Variants in KDM7A observed in about 807,000 individuals in gnomAD.
KDM7A encodes the protein lysine-specific demethylase 7A.
In KDM7A, 28 loss-of-function variants were observed where a neutral mutation model predicts 114.8. The ratio of observed to expected loss-of-function variants is 0.24; its 90% CI spans 0.18 to 0.33. KDM7A has a LOEUF of 0.33. Among genes scored for constraint, KDM7A ranks in the 10% least tolerant of loss-of-function variants. The pLI, the probability that KDM7A is intolerant of heterozygous loss-of-function variation, is 1.00. For synonymous variants in KDM7A, 423 were observed against 397.8 expected, an observed-to-expected ratio of 1.06 and a Z score of -0.75; for missense variants, 942 against 1,142.5, an observed-to-expected ratio of 0.82 and a Z score of 2.53.
At chr7:140,162,228 G>A (rs960524129) in intron 1 of KDM7A, among the ~76,000 whole-genome samples, 7 of 151,834 alleles carry the variant, frequency 4.6e-5, no homozygotes, top group East Asian at 1.9e-4. Context: ...CCAGCTACTC[G>A]GGAGGCTAAG....
chr7:140,139,925 T>A (rs1585157880), intron 1 of KDM7A, among the ~76,000 whole-genome samples: 1 of 152,294 alleles, frequency 6.6e-6, no homozygotes, highest in South Asian at 2.1e-4. Flanking sequence ...ATATTAGATA[T>A]GGGCAAACCT....
In KDM7A at chr7:140,089,454, T is replaced by C. The variant is rs1028429990; in HGVS notation, c.*1640A>G. ...TCTTAGCAATTCAAGTGATACTTAATAGAGAAGGGTAAGTCCTGCTATCTT... is the reference window on the plus strand; with the variant it reads ...TCTTAGCAATTCAAGTGATACTTAACAGAGAAGGGTAAGTCCTGCTATCTT... On this transcript the variant is annotated 3_prime_UTR_variant, in exon 20 of 20. Coordinates refer to ENST00000397560, the MANE Select transcript of KDM7A (RefSeq NM_030647.2). The C allele has an allele frequency of 1.1e-4, 17 of 152,146 alleles. 1 individual carries two copies. The highest frequency in any genetic ancestry group is 1.0e-3 in the Admixed American group (16 of 15,268). 9.4% of individuals were successfully genotyped at this position (152,146 alleles called of 1,614,324 possible). A position where few individuals can be genotyped will look rare whatever the true frequency, so the allele number is the denominator to read the frequency against.
intron 10 of KDM7A, among the ~76,000 whole-genome samples, chr7:140,112,794 G>T (rs918946927): frequency 1.3e-5 from 2 of 152,178 alleles, no homozygotes; most frequent in African/African-American, 4.8e-5. Flanking sequence ...ATAAACATTT[G>T]TTTTAAGCCC....
intron 1 of KDM7A, among the ~76,000 whole-genome samples, chr7:140,173,429 G>C (rs1794668652): frequency 6.6e-6 from 1 of 152,138 alleles, no homozygotes. Flanking sequence ...ATCAAGGACA[G>C]GTCTTCCTTC....
At chr7:140,102,407 CTT>C (rs953621024) in intron 11 of KDM7A, among the ~76,000 whole-genome samples, 2 of 149,894 alleles carry the variant, frequency 1.3e-5, no homozygotes, top group South Asian at 2.1e-4. Context: ...GGGTCTCGCT[CTT>C]GTCACCCAGG....
chr7:140,098,752 G>A (rs1025545403), intron 14 of KDM7A, 127 bp downstream of exon 14: 6 of 770,910 alleles, frequency 7.8e-6, no homozygotes, highest in Non-Finnish European at 1.3e-5. Flanking sequence ...GATTTTTCAA[G>A]ACAGTTTTAG....
chr7:140,145,487 G>T (rs1229129199), intron 1 of KDM7A, among the ~76,000 whole-genome samples: 1 of 152,152 alleles, frequency 6.6e-6, no homozygotes, highest in African/African-American at 2.4e-5. Flanking sequence ...CTATAACAGT[G>T]ATAAGATCCA....
intron 12 of KDM7A, among the ~76,000 whole-genome samples, chr7:140,100,970 G>A (rs1562946297): frequency 1.3e-5 from 2 of 149,592 alleles, no homozygotes; most frequent in Non-Finnish European, 1.5e-5. Context: ...CCGTGGTCTC[G>A]ATCTCCTGAC....
At chr7:140,122,756 T>C (rs570354712) in intron 7 of KDM7A, among the ~76,000 whole-genome samples, 2 of 152,354 alleles carry the variant, frequency 1.3e-5, no homozygotes, top group East Asian at 3.9e-4. Flanking sequence ...AGTCCTTTCT[T>C]TGAGGGTCTC....
intron 3 of KDM7A, 99 bp from the exon 4 acceptor site, chr7:140,129,752 A>G (rs561883382): frequency 1.4e-5 from 10 of 700,106 alleles, no homozygotes; most frequent in South Asian, 8.7e-5. Flanking sequence ...TGGATTATCT[A>G]TATCAGTGGT....
intron 2 of KDM7A, among the ~76,000 whole-genome samples, chr7:140,134,744 T>C (rs1585155675): frequency 6.6e-6 from 1 of 152,302 alleles, no homozygotes; most frequent in East Asian, 1.9e-4. Context: ...AGAATCTAGA[T>C]GATAAGGCTT....
intron 1 of KDM7A, among the ~76,000 whole-genome samples, chr7:140,159,270 C>T (rs1175763102): frequency 6.6e-6 from 1 of 152,120 alleles, no homozygotes; most frequent in Non-Finnish European, 1.5e-5. Flanking sequence ...TCACTTGAAC[C>T]CGGGAGGTGG....
intron 12 of KDM7A, among the ~76,000 whole-genome samples, chr7:140,100,719 TATATATATATATATATATATATACA>T: frequency 1.7e-5 from 1 of 59,734 alleles, no homozygotes; most frequent in African/African-American, 6.2e-5. Flanking sequence ...CACATATATA[TATATATATATATATATATATATACA>T]TATATATTTT....
At chr7:140,102,746 G>A (rs951960070) in intron 11 of KDM7A, among the ~76,000 whole-genome samples, 135 of 152,066 alleles carry the variant, frequency 8.9e-4, no homozygotes, top group Non-Finnish European at 4.7e-4. Context: ...AATACTTACT[G>A]GTAGCCATTT....
chr7:140,130,899 G>A (rs1308197556), intron 3 of KDM7A, among the ~76,000 whole-genome samples: 1 of 140,982 alleles, frequency 7.1e-6, no homozygotes, highest in Non-Finnish European at 1.5e-5. Context: ...TGTCGCCCAG[G>A]CTGGAGTGCA....
intron 1 of KDM7A, among the ~76,000 whole-genome samples, chr7:140,174,375 C>G (rs1417156938): frequency 6.6e-6 from 1 of 152,104 alleles, no homozygotes; most frequent in Non-Finnish European, 1.5e-5. Context: ...TGTGTCAAAG[C>G]AGAGAGGGCA....
At chr7:140,110,520 C>T (rs1044592801) in intron 11 of KDM7A, among the ~76,000 whole-genome samples, 5 of 152,022 alleles carry the variant, frequency 3.3e-5, no homozygotes, top group Admixed American at 6.6e-5. Flanking sequence ...ACCTAATTTC[C>T]TCTCAATTTA....
chr7:140,115,255 G>A (rs1467005241), intron 9 of KDM7A, among the ~76,000 whole-genome samples: 1 of 152,080 alleles, frequency 6.6e-6, no homozygotes, highest in Non-Finnish European at 1.5e-5. Flanking sequence ...TGGGAAGTGA[G>A]GAGCCCCTCT....
Position 140,085,508 on chromosome 7 carries a change from G to C in KDM7A, c.*5586C>G, listed in dbSNP as rs1291161099. 1 of 152,196 alleles carries C rather than the reference G, an allele frequency of 6.6e-6. No individual in the cohort carries two copies. The highest frequency in any genetic ancestry group is 1.5e-5 in the Non-Finnish European group (1 of 68,034). 9.4% of individuals were successfully genotyped at this position (152,196 alleles called of 1,614,324 possible). ...CCTTTTCACCCTCTTTCCACAGCAT[G>C]AAACTGTTATGGCTTAATTTATATT... On this transcript the variant is annotated 3_prime_UTR_variant, in exon 20 of 20. Transcript: ENST00000397560.
Sources: gnomAD v4.1 joint callset for allele counts (sites outside exome capture counted in the v4.1 genomes callset) on GRCh38, gnomAD v4.1.1 for gene constraint, MANE v1.5 for transcripts, NCBI Gene and HGNC (gene_info 2026-07-23, HGNC 2026-07-21) for gene names.